The following MYO16 variants were observed in gnomAD, a reference collection of about 807,000 sequenced individuals.
MYO16 encodes the protein myosin XVI.
MYO16 carries 94 observed loss-of-function variants against 205.3 expected under a neutral mutation model. The observed-to-expected ratio is 0.46, with a 90% CI of 0.39 to 0.54. The LOEUF is 0.54. Ranked by LOEUF, MYO16 falls within the 20% of genes least tolerant of loss-of-function variation. The probability of loss-of-function intolerance (pLI) is 0.00; values close to 1 mark genes in which losing one functional copy is unlikely to be tolerated. For missense variants in MYO16, 2,315 were observed against 2,387.5 expected (o/e 0.97, Z 0.63); for synonymous variants, 988 against 954.0 (o/e 1.04, Z -0.66).
the MYO16 span, among the ~76,000 whole-genome samples, chr13:108,555,197 G>A: frequency 2.3e-4 from 35 of 152,254 alleles, no homozygotes; most frequent in South Asian, 4.6e-3. Flanking sequence ...AAAGTAAAGC[G>A]TCACAGGCAC....
At chr13:109,011,078 C>T (rs569263608) in intron 22 of MYO16, among the ~76,000 whole-genome samples, 2 of 151,546 alleles carry the variant, frequency 1.3e-5, no homozygotes, top group African/African-American at 2.4e-5. Flanking sequence ...AGCCAGCACT[C>T]CCAGTAAGGG....
intron 21 of MYO16, among the ~76,000 whole-genome samples, chr13:108,999,553 A>C (rs767804997): frequency 6.6e-6 from 1 of 152,222 alleles, no homozygotes; most frequent in Non-Finnish European, 1.5e-5. Flanking sequence ...TTCTGTGTTT[A>C]TAGATAGCAT....
At position 109,207,667 on chromosome 13, in the gene MYO16, C is replaced by G. The variant is rs1005691794; in HGVS notation, c.*831C>G. The G allele has an allele frequency of 6.6e-6, 1 of 152,260 alleles. No homozygotes were observed. Among genetic ancestry groups the G allele is most frequent in the Non-Finnish European group, 1.5e-5 (1 of 68,068 alleles). 9.4% of individuals were successfully genotyped at this position (152,260 alleles called of 1,614,324 possible). A position where few individuals can be genotyped will look rare whatever the true frequency, so the allele number is the denominator to read the frequency against. ...GGAAATCACATGGCACACGGTTAAA[C>G]ACGTATGGCTTCAAATCCATAGCCG... is the stretch of plus-strand genomic sequence containing the variant. On this transcript the variant is annotated 3_prime_UTR_variant, in exon 35 of 35. Transcript: ENST00000457511.
At chr13:109,204,560 T>G (rs1238970044) in intron 34 of MYO16, among the ~76,000 whole-genome samples, 1 of 152,162 alleles carries the variant, frequency 6.6e-6, no homozygotes, top group Admixed American at 6.5e-5. Flanking sequence ...GGGACTCTGA[T>G]CCTTAGCCTG....
At chr13:108,828,652 A>T (rs1478864284) in intron 9 of MYO16, among the ~76,000 whole-genome samples, 3 of 152,132 alleles carry the variant, frequency 2.0e-5, no homozygotes, top group Admixed American at 6.5e-5. Context: ...AAAACCAACA[A>T]TGTGATTAAA....
intron 16 of MYO16, among the ~76,000 whole-genome samples, chr13:108,948,387 G>A (rs957113862): frequency 8.5e-5 from 13 of 152,202 alleles, no homozygotes; most frequent in African/African-American, 3.1e-4. Context: ...CTTGGTGAAT[G>A]GACTAAACAA....
chr13:109,200,341 G>A (rs1464908673), intron 34 of MYO16, among the ~76,000 whole-genome samples: 1 of 152,136 alleles, frequency 6.6e-6, no homozygotes, highest in East Asian at 1.9e-4. Context: ...AGCTATTAAT[G>A]TCTGTAATAG....
intron 34 of MYO16, among the ~76,000 whole-genome samples, chr13:109,199,195 TATATATATATATATATATATATATA>T (rs1880294793): frequency 1.2e-3 from 4 of 3,210 alleles, no homozygotes; most frequent in African/African-American, 2.4e-3. Context: ...AAAAAAGGTA[TATATATATATATATATATATATATA>T]TATATATATA....
intron 1 of MYO16, among the ~76,000 whole-genome samples, chr13:108,665,176 C>G (rs1029661979): frequency 1.3e-5 from 2 of 152,152 alleles, no homozygotes; most frequent in African/African-American, 4.8e-5. Flanking sequence ...ACCTTAAACT[C>G]CTGGGCTTAT....
chr13:109,123,143 CA>C (rs1170517177), intron 29 of MYO16, among the ~76,000 whole-genome samples: 4 of 152,212 alleles, frequency 2.6e-5, no homozygotes, highest in African/African-American at 9.6e-5. Flanking sequence ...CAACAAACAT[CA>C]ACATCCATTA....
At chr13:108,560,340 A>G in the MYO16 span, among the ~76,000 whole-genome samples, 1 of 152,232 alleles carries the variant, frequency 6.6e-6, no homozygotes, top group African/African-American at 2.4e-5. Flanking sequence ...TCCCAGAGAC[A>G]GGGTGGTGAG....
upstream of MYO16, among the ~76,000 whole-genome samples, chr13:108,594,194 A>G (rs1185318651): frequency 6.6e-6 from 1 of 152,200 alleles, no homozygotes; most frequent in Non-Finnish European, 1.5e-5. Flanking sequence ...GAGGCCAATC[A>G]TAGAACTAAT....
At chr13:109,175,689 G>A (rs1171100808) in intron 33 of MYO16, among the ~76,000 whole-genome samples, 1 of 152,108 alleles carries the variant, frequency 6.6e-6, no homozygotes, top group Non-Finnish European at 1.5e-5. Context: ...GCCTGGTCTG[G>A]GGAGAAGGCT....
chr13:108,615,285 C>T (rs11842145), intron 1 of MYO16, among the ~76,000 whole-genome samples: 3,612 of 152,032 alleles, frequency 0.024, 146 homozygotes, highest in African/African-American at 0.081. Context: ...TAAAATAAAA[C>T]GTCAATCAGA....
intron 4 of MYO16, among the ~76,000 whole-genome samples, chr13:108,752,107 CTG>C (rs561304196): frequency 2.0e-5 from 3 of 152,166 alleles, no homozygotes; most frequent in Non-Finnish European, 4.4e-5. Context: ...TAGGAATGCT[CTG>C]TGGTATCTTC....
chr13:109,019,311 A>G (rs1389727745), intron 22 of MYO16, among the ~76,000 whole-genome samples: 1 of 152,086 alleles, frequency 6.6e-6, no homozygotes, highest in Non-Finnish European at 1.5e-5. Flanking sequence ...CATCACGATA[A>G]GCTTTATTTT....
chr13:108,501,774 T>A, the MYO16 span, among the ~76,000 whole-genome samples: 611 of 152,336 alleles, frequency 4.0e-3, 6 homozygotes, highest in Non-Finnish European at 7.0e-3. Flanking sequence ...TGTGACCGAC[T>A]GAGACTCTGC....
intron 5 of MYO16, among the ~76,000 whole-genome samples, chr13:108,792,236 T>G (rs1886637619): frequency 1.3e-5 from 2 of 152,174 alleles, no homozygotes; most frequent in Admixed American, 1.3e-4. Context: ...GACTGTGGAT[T>G]CCGCACTCAA....
chr13:108,702,615 AG>A (rs1883354880), intron 2 of MYO16, among the ~76,000 whole-genome samples: 1 of 152,216 alleles, frequency 6.6e-6, no homozygotes, highest in Non-Finnish European at 1.5e-5. Flanking sequence ...AGCACTTGGA[AG>A]TTAAACACAT....
Sources: allele counts gnomAD v4.1 joint callset (sites outside exome capture counted in the v4.1 genomes callset), GRCh38; gene constraint gnomAD v4.1.1; transcripts MANE v1.5; gene names NCBI Gene and HGNC (gene_info 2026-07-23, HGNC 2026-07-21).